Variants in NR3C2 observed in about 807,000 individuals in gnomAD.
The protein encoded by NR3C2 is mineralocorticoid receptor.
A neutral mutation model predicts 86.4 loss-of-function variants in NR3C2; 15 were observed. The ratio of observed to expected loss-of-function variants is 0.17; its 90% CI spans 0.12 to 0.27. NR3C2 has a LOEUF of 0.27. Among genes scored for constraint, NR3C2 ranks in the 10% least tolerant of loss-of-function variants. NR3C2 has a pLI of 1.00. For missense variants in NR3C2, 960 were observed against 1,195.6 expected, an observed-to-expected ratio of 0.80 and a Z score of 2.91; for synonymous variants, 458 against 450.5, an observed-to-expected ratio of 1.02 and a Z score of -0.21.
intron 6 of NR3C2, among the ~76,000 whole-genome samples, chr4:148,136,937 A>G (rs1483018137): frequency 3.9e-5 from 6 of 152,150 alleles, no homozygotes; most frequent in African/African-American, 1.4e-4. Context: ...TATATGTTTC[A>G]TTTCTTTTGA....
At chr4:148,120,892 C>T (rs1732478586) in intron 6 of NR3C2, among the ~76,000 whole-genome samples, 2 of 152,176 alleles carry the variant, frequency 1.3e-5, no homozygotes, top group Admixed American at 1.3e-4. Context: ...GGGAGTTTGG[C>T]ACAACATATA....
intron 2 of NR3C2, among the ~76,000 whole-genome samples, chr4:148,336,362 C>T (rs570397311): frequency 6.6e-6 from 1 of 152,258 alleles, no homozygotes; most frequent in South Asian, 2.1e-4. Context: ...GATTCCCATG[C>T]CCAGGAGGGC....
chr4:148,313,749 T>C (rs1023999653), intron 2 of NR3C2, among the ~76,000 whole-genome samples: 6 of 152,198 alleles, frequency 3.9e-5, no homozygotes, highest in Non-Finnish European at 5.9e-5. Flanking sequence ...CCTTACTTAC[T>C]ACAGCCTGGC....
At chr4:148,290,120 G>C (rs111238097) in intron 2 of NR3C2, among the ~76,000 whole-genome samples, 1 of 152,002 alleles carries the variant, frequency 6.6e-6, no homozygotes, top group South Asian at 2.1e-4. Context: ...AGTTTCTTCC[G>C]GGGCCTCTCT....
chr4:148,260,459 A>AG (rs1740040139), intron 2 of NR3C2, among the ~76,000 whole-genome samples: 1 of 152,220 alleles, frequency 6.6e-6, no homozygotes, highest in Non-Finnish European at 1.5e-5. Flanking sequence ...CCAAGTCATC[A>AG]GGGATGTATT....
intron 3 of NR3C2, among the ~76,000 whole-genome samples, chr4:148,199,551 A>T (rs1736611490): frequency 6.6e-6 from 1 of 152,148 alleles, no homozygotes; most frequent in South Asian, 2.1e-4. Context: ...TGAGCCTGGG[A>T]GACTGAATTC....
rs141464991 is a variant in NR3C2 at position 148,148,181 on chromosome 4, C to T, written c.2510+4288G>A. Among the ~76,000 whole-genome samples the T allele has an allele frequency of 5.6e-3, 846 of 151,724 alleles. 10 individuals carry two copies. The highest frequency in any genetic ancestry group is 9.7e-3 in the Non-Finnish European group (660 of 67,824). Reference sequence around the variant, plus strand: ...AAACCTGAGTCTTCTTCCCTTATTCCCTATCCCAGTGAGGGGCACCAAATC... The same window carrying T: ...AAACCTGAGTCTTCTTCCCTTATTCTCTATCCCAGTGAGGGGCACCAAATC... On this transcript the variant is annotated intron_variant, in intron 6 of 8. Transcript: ENST00000358102.
At chr4:148,172,884 G>A (rs900109673) in intron 4 of NR3C2, among the ~76,000 whole-genome samples, 1 of 152,202 alleles carries the variant, frequency 6.6e-6, no homozygotes, top group African/African-American at 2.4e-5. Context: ...GTCATTAAAA[G>A]CTTTATAGGA....
chr4:148,135,779 G>A (rs964503473), intron 6 of NR3C2, among the ~76,000 whole-genome samples: 2 of 152,088 alleles, frequency 1.3e-5, no homozygotes, highest in African/African-American at 2.4e-5. Context: ...AAAAACGGCC[G>A]GGCGCGGTGG....
At chr4:148,369,383 T>A (rs1364632293) in intron 2 of NR3C2, among the ~76,000 whole-genome samples, 1 of 152,196 alleles carries the variant, frequency 6.6e-6, no homozygotes. Context: ...TTCCAATATG[T>A]TTAATTTGTA....
In NR3C2 at chr4:148,081,507, A is replaced by G; in HGVS notation, c.2800-8T>C. On this transcript the variant is annotated splice_region_variant and splice_polypyrimidine_tract_variant and intron_variant, in intron 8 of 8. Transcript: ENST00000358102. ...CAGCAGGTCGCTCACCAGCTGTAACACAGACACAGGGGGCATGACACGGGG... is the reference window on the plus strand; with the variant it reads ...CAGCAGGTCGCTCACCAGCTGTAACGCAGACACAGGGGGCATGACACGGGG... The G allele has an allele frequency of 1.2e-6, 2 of 1,613,352 alleles. No homozygotes were observed. The highest frequency in any genetic ancestry group is 1.7e-6 in the Non-Finnish European group (2 of 1,179,360).
chr4:148,233,216 A>C (rs1342154888), intron 3 of NR3C2, among the ~76,000 whole-genome samples: 1 of 152,184 alleles, frequency 6.6e-6, no homozygotes, highest in African/African-American at 2.4e-5. Flanking sequence ...CAACTGGTGC[A>C]AGAGGCCTAT....
intron 2 of NR3C2, among the ~76,000 whole-genome samples, chr4:148,296,061 A>AAAAAAAAT: frequency 6.6e-6 from 1 of 151,500 alleles, no homozygotes; most frequent in African/African-American, 2.4e-5. Context: ...AAAAAAAAAA[A>AAAAAAAAT]AAAAAGAGAG....
intron 4 of NR3C2, among the ~76,000 whole-genome samples, chr4:148,181,949 T>C (rs539958555): frequency 6.6e-6 from 1 of 152,298 alleles, no homozygotes; most frequent in South Asian, 2.1e-4. Context: ...TCCTCCCACA[T>C]TGTAAAGGAG....
intron 3 of NR3C2, among the ~76,000 whole-genome samples, chr4:148,214,854 T>C (rs1418863076): frequency 6.6e-6 from 1 of 151,746 alleles, no homozygotes; most frequent in East Asian, 1.9e-4. Flanking sequence ...TGGCAAATAA[T>C]TAAAAACGTT....
intron 3 of NR3C2, among the ~76,000 whole-genome samples, chr4:148,203,053 A>G (rs1736809417): frequency 6.6e-6 from 1 of 152,186 alleles, no homozygotes; most frequent in African/African-American, 2.4e-5. Flanking sequence ...TCATATCTTG[A>G]AGATACAAAG....
chr4:148,250,437 C>T (rs1465369398), intron 3 of NR3C2, among the ~76,000 whole-genome samples: 1 of 152,146 alleles, frequency 6.6e-6, no homozygotes, highest in African/African-American at 2.4e-5. Flanking sequence ...CAACAGCACA[C>T]AATTTCCAGT....
chr4:148,378,281 G>A (rs1746780237), intron 2 of NR3C2, among the ~76,000 whole-genome samples: 1 of 152,062 alleles, frequency 6.6e-6, no homozygotes, highest in Non-Finnish European at 1.5e-5. Context: ...AATGTGAAAT[G>A]AGGAAGACTC....
At chr4:148,083,461 G>A (rs920173603) in intron 8 of NR3C2, among the ~76,000 whole-genome samples, 4 of 152,204 alleles carry the variant, frequency 2.6e-5, no homozygotes, top group African/African-American at 9.7e-5. Context: ...CTGACTGGTA[G>A]AAGGAAAACT....
Sources: allele counts gnomAD v4.1 joint callset (sites outside exome capture counted in the v4.1 genomes callset), GRCh38; gene constraint gnomAD v4.1.1; transcripts MANE v1.5; gene names NCBI Gene and HGNC (gene_info 2026-07-23, HGNC 2026-07-21).